RYR3: variants seen among roughly 807,000 people sequenced by gnomAD.
RYR3 encodes the protein ryanodine receptor 3.
Under a neutral mutation model 584.3 loss-of-function variants are expected in RYR3, and 207 were observed. The observed-to-expected ratio is 0.35, with a 90% CI of 0.32 to 0.40. RYR3 has a LOEUF of 0.40. Ranked by LOEUF, RYR3 falls within the 10% of genes least tolerant of loss-of-function variation. RYR3 has a pLI of 1.00. For missense variants in RYR3, 5,616 were observed against 6,089.2 expected (o/e 0.92, Z 2.59); for synonymous variants, 2,416 against 2,248.5 (o/e 1.07, Z -2.11).
At chr15:33,720,775 G>A (rs568801181) in intron 43 of RYR3, among the ~76,000 whole-genome samples, 2 of 152,188 alleles carry the variant, frequency 1.3e-5, no homozygotes, top group African/African-American at 4.8e-5. Flanking sequence ...TCAAGAGGCC[G>A]AGGTGGGAGG....
At chr15:33,572,765 G>A (rs941468378) in intron 12 of RYR3, among the ~76,000 whole-genome samples, 8 of 151,802 alleles carry the variant, frequency 5.3e-5, no homozygotes, top group African/African-American at 9.7e-5. Flanking sequence ...ACCTGAGGTC[G>A]GGGGTTCGAG....
chr15:33,375,816 G>A (rs1263209349), intron 1 of RYR3, among the ~76,000 whole-genome samples: 1 of 152,210 alleles, frequency 6.6e-6, no homozygotes, highest in Admixed American at 6.5e-5. Flanking sequence ...TGTAATCCCA[G>A]CACTCTGGGA....
chr15:33,470,246 T>C lies in RYR3; in HGVS notation c.52-3173T>C, dbSNP rs376509521. Reference sequence around the variant, plus strand: ...TTGCTTATTATTGCACCTTCTAACTTAGTACTTTCTTCTCTTTATTTTGTT... The same window carrying C: ...TTGCTTATTATTGCACCTTCTAACTCAGTACTTTCTTCTCTTTATTTTGTT... On this transcript the variant is annotated intron_variant, in intron 1 of 103. Coordinates refer to ENST00000634891, the MANE Select transcript of RYR3 (RefSeq NM_001036.6). Among the ~76,000 whole-genome samples, 83 of 152,320 alleles carry C rather than the reference T, an allele frequency of 5.4e-4. 1 individual carries two copies. The highest frequency in any genetic ancestry group is 1.9e-3 in the African/African-American group (78 of 41,560).
rs144310477 is a variant in RYR3, at chr15:33,402,297, T to C, written c.52-71122T>C. On this transcript the variant is annotated intron_variant, in intron 1 of 103. Transcript: ENST00000634891. ...CTGATAGAATTGGGAGACTAACAAT[T>C]TACAGGTTACAGATGAAGAAGAGCC... 1.3e-3 allele frequency among the ~76,000 whole-genome samples: 192 copies of C among 152,276 alleles called. 5 individuals carry two copies. The East Asian group carries it at 0.036, about 29-fold the overall frequency.
At chr15:33,360,421 G>C (rs1974601221) in intron 1 of RYR3, among the ~76,000 whole-genome samples, 1 of 152,154 alleles carries the variant, frequency 6.6e-6, no homozygotes, top group African/African-American at 2.4e-5. Context: ...TAATGTTTTT[G>C]AGATTGATCT....
At chr15:33,529,555 A>C (rs2054675132) in intron 3 of RYR3, among the ~76,000 whole-genome samples, 1 of 152,174 alleles carries the variant, frequency 6.6e-6, no homozygotes, top group Admixed American at 6.5e-5. Context: ...TCCTTGAAGA[A>C]AAATGCTAGA....
intron 1 of RYR3, among the ~76,000 whole-genome samples, chr15:33,410,971 C>CT (rs1362623745): frequency 5.3e-5 from 8 of 152,166 alleles, no homozygotes; most frequent in African/African-American, 1.9e-4. Flanking sequence ...TCTCGTGAGG[C>CT]TTATTCACTG....
At chr15:33,621,419 A>T (rs1382875712) in intron 19 of RYR3, among the ~76,000 whole-genome samples, 1 of 152,228 alleles carries the variant, frequency 6.6e-6, no homozygotes, top group Non-Finnish European at 1.5e-5. Context: ...GTCAGTACAC[A>T]ATCTGTTATG....
At chr15:33,815,066 T>C (rs1325888633) in intron 74 of RYR3, among the ~76,000 whole-genome samples, 9 of 122,552 alleles carry the variant, frequency 7.3e-5, no homozygotes, top group Admixed American at 7.0e-4. Context: ...CGAGACTCTG[T>C]CTCAAAAAAA....
intron 31 of RYR3, among the ~76,000 whole-genome samples, chr15:33,651,050 A>G (rs143650255): frequency 5.3e-4 from 80 of 152,362 alleles, no homozygotes; most frequent in African/African-American, 1.8e-3. Flanking sequence ...TGGCTCTACC[A>G]TACAAGATTG....
intron 9 of RYR3, 139 bp from the exon 10 acceptor site, chr15:33,550,021 C>G (rs1865496): frequency 0.77 from 599,970 of 779,796 alleles, 235,496 homozygotes; most frequent in Middle Eastern, 0.88. Context: ...AGCAAGCCAG[C>G]AGCCTGGTGC....
chr15:33,392,680 C>G (rs1192364861), intron 1 of RYR3, among the ~76,000 whole-genome samples: 3 of 152,132 alleles, frequency 2.0e-5, no homozygotes, highest in African/African-American at 7.2e-5. Context: ...GGTAGAGAAG[C>G]CCCTTACACA....
At chr15:33,723,735 T>TGA (rs1426617541) in intron 44 of RYR3, among the ~76,000 whole-genome samples, 3 of 152,206 alleles carry the variant, frequency 2.0e-5, no homozygotes, top group Non-Finnish European at 4.4e-5. Flanking sequence ...TCCTGACTCT[T>TGA]GGTCCAATGT....
intron 3 of RYR3, among the ~76,000 whole-genome samples, chr15:33,504,660 A>C (rs1415161436): frequency 6.6e-6 from 1 of 152,306 alleles, no homozygotes; most frequent in East Asian, 1.9e-4. Flanking sequence ...ATAAATTCCA[A>C]ATTCCTAAAC....
intron 1 of RYR3, among the ~76,000 whole-genome samples, chr15:33,435,266 C>T (rs529887662): frequency 4.3e-4 from 66 of 152,154 alleles, no homozygotes; most frequent in Non-Finnish European, 8.5e-4. Flanking sequence ...TCTCCAACCT[C>T]TGATAATTAT....
At chr15:33,694,370 G>A (rs1271585109) in intron 38 of RYR3, among the ~76,000 whole-genome samples, 13 of 150,632 alleles carry the variant, frequency 8.6e-5, no homozygotes, top group Non-Finnish European at 7.4e-5. Flanking sequence ...TCAGCCTCCC[G>A]AGTAGCTGGG....
At chr15:33,674,864 C>T (rs1476204012) in intron 38 of RYR3, among the ~76,000 whole-genome samples, 1 of 132,968 alleles carries the variant, frequency 7.5e-6, no homozygotes, top group Admixed American at 7.7e-5. Context: ...GGAGTGGCAA[C>T]AAGTTGAGAA....
chr15:33,379,693 A>C (rs112847646), intron 1 of RYR3, among the ~76,000 whole-genome samples: 1,760 of 123,660 alleles, frequency 0.014, 27 homozygotes, highest in African/African-American at 0.018. Context: ...CTCTCTATAT[A>C]TATATATATA....
intron 1 of RYR3, among the ~76,000 whole-genome samples, chr15:33,348,782 A>T (rs1012794847): frequency 5.5e-5 from 7 of 126,806 alleles, no homozygotes; most frequent in East Asian, 4.9e-4. Flanking sequence ...GGCCTAATTT[A>T]AAAAAAAAAA....
Sources: allele counts gnomAD v4.1 joint callset (sites outside exome capture counted in the v4.1 genomes callset), GRCh38; gene constraint gnomAD v4.1.1; transcripts MANE v1.5; gene names NCBI Gene and HGNC (gene_info 2026-07-23, HGNC 2026-07-21).